Variants in SLC16A10 observed in about 807,000 individuals in gnomAD.
SLC16A10 encodes the protein monocarboxylate transporter 10.
Under a neutral mutation model 40.0 loss-of-function variants are expected in SLC16A10, and 27 were observed. The observed-to-expected ratio is 0.67, with a 90% CI of 0.50 to 0.93. The LOEUF (loss-of-function observed/expected upper bound fraction) is 0.93, where lower values mean the gene tolerates loss of function less well. SLC16A10 is among the 40% of genes least tolerant of loss of function. The probability of loss-of-function intolerance (pLI) is 0.00; values close to 1 mark genes in which losing one functional copy is unlikely to be tolerated. For synonymous variants in SLC16A10, 213 were observed against 249.8 expected (o/e 0.85, Z 1.39); for missense variants, 529 against 658.2 (o/e 0.80, Z 2.15).
At position 111,127,067 on chromosome 6, in the gene SLC16A10, T is replaced by C. The variant is rs76349754; in HGVS notation, c.343+38972T>C. ...ATTATTTTCAGAGGTTATTACTCAT[T>C]TAACTCAACAAAAATTGAGAGCCCC... On this transcript the variant is annotated intron_variant, in intron 1 of 5. Coordinates refer to ENST00000368851, the MANE Select transcript of SLC16A10 (RefSeq NM_018593.5). 3.9e-5 allele frequency among the ~76,000 whole-genome samples: 6 copies of C among 152,366 alleles called. No individual in the cohort carries two copies. In the East Asian group the frequency reaches 1.2e-3, roughly 29 times the overall value.
intron 1 of SLC16A10, among the ~76,000 whole-genome samples, chr6:111,088,760 G>GT (rs1435718740): frequency 6.6e-6 from 1 of 152,082 alleles, no homozygotes; most frequent in East Asian, 1.9e-4. Flanking sequence ...TTCCTGTTGT[G>GT]TTTTTTGACA....
rs1358502008 is a variant in SLC16A10, at chr6:111,225,826, G to A, written c.*3591G>A. On this transcript the variant is annotated 3_prime_UTR_variant, in exon 6 of 6. Transcript: ENST00000368851. ...TCATGCCCTTTCTTATGTACCTTTT[G>A]TCTTACTCTTCTTACATTATTCTTA... is the stretch of plus-strand genomic sequence containing the variant. The A allele has an allele frequency of 1.3e-5, 2 of 151,968 alleles. No homozygotes were observed. Among genetic ancestry groups the A allele is most frequent in the African/African-American group, 2.4e-5 (1 of 41,368 alleles). 9.4% of individuals were successfully genotyped at this position (151,968 alleles called of 1,614,324 possible). A position where few individuals can be genotyped will look rare whatever the true frequency, so the allele number is the denominator to read the frequency against.
intron 1 of SLC16A10, among the ~76,000 whole-genome samples, chr6:111,163,192 G>A (rs1158985622): frequency 7.6e-5 from 9 of 117,772 alleles, no homozygotes; most frequent in Non-Finnish European, 1.1e-4. Flanking sequence ...TCGCTCTGTC[G>A]CCCAGGCTGG....
intron 1 of SLC16A10, among the ~76,000 whole-genome samples, chr6:111,136,114 G>A (rs573335516): frequency 2.6e-5 from 4 of 152,262 alleles, no homozygotes; most frequent in African/African-American, 9.6e-5. Context: ...CACTAATTAA[G>A]GAAACTCAGA....
intron 3 of SLC16A10, among the ~76,000 whole-genome samples, chr6:111,184,196 C>G (rs995249637): frequency 7.2e-5 from 11 of 152,152 alleles, no homozygotes; most frequent in African/African-American, 2.7e-4. Context: ...TAGACCATAT[C>G]ATTGGGTCAA....
intron 1 of SLC16A10, among the ~76,000 whole-genome samples, chr6:111,121,635 C>T (rs1208753886): frequency 6.6e-6 from 1 of 152,142 alleles, no homozygotes; most frequent in Non-Finnish European, 1.5e-5. Flanking sequence ...TCTTCTATTT[C>T]CATTACAGCT....
intron 1 of SLC16A10, among the ~76,000 whole-genome samples, chr6:111,136,181 G>T (rs565385891): frequency 6.6e-6 from 1 of 152,206 alleles, no homozygotes; most frequent in Non-Finnish European, 1.5e-5. Flanking sequence ...TTTCCAGGCC[G>T]TAAAGAACAC....
At chr6:111,157,152 C>T (rs1772285080) in intron 1 of SLC16A10, among the ~76,000 whole-genome samples, 1 of 152,182 alleles carries the variant, frequency 6.6e-6, no homozygotes, top group Admixed American at 6.5e-5. Flanking sequence ...CTCCTGACCT[C>T]AGGTGATCCA....
intron 1 of SLC16A10, among the ~76,000 whole-genome samples, chr6:111,137,067 A>G (rs4639374): frequency 0.13 from 19,184 of 152,160 alleles, 1,355 homozygotes; most frequent in Middle Eastern, 0.17. Context: ...CAGAGAAATA[A>G]AAGGGAACCG....
At chr6:111,217,026 G>A (rs1378748576) in intron 4 of SLC16A10, among the ~76,000 whole-genome samples, 2 of 152,126 alleles carry the variant, frequency 1.3e-5, no homozygotes, top group South Asian at 2.1e-4. Flanking sequence ...GTGCTAGTAG[G>A]GCCTAGGAAA....
chr6:111,206,678 A>G lies in SLC16A10; in HGVS notation c.1029A>G (p.Arg343=). 6.2e-7 allele frequency: 1 copy of G among 1,614,212 alleles called. No individual in the cohort carries two copies. The highest frequency in any genetic ancestry group is 8.5e-7 in the Non-Finnish European group (1 of 1,180,032). ...TTGGCGTCACTTCAGGAGTTGGACG[A>G]CTGCTCTTTGGCCGGATTGCAGATT... ...MCIGVTSGVG[R]LLFGRIADYV... Residue 343 remains arginine (R), a synonymous_variant, in exon 4 of 6, where the codon CGA becomes CGG. Coordinates refer to ENST00000368851, the MANE Select transcript of SLC16A10 (RefSeq NM_018593.5).
intron 3 of SLC16A10, 68 bp downstream of exon 3, chr6:111,177,733 G>C: frequency 7.2e-7 from 1 of 1,380,904 alleles, no homozygotes; most frequent in Non-Finnish European, 9.6e-7. Flanking sequence ...TGAAGAGAAA[G>C]TTAGGTCGAG....
chr6:111,148,832 G>A (rs1772123674), intron 1 of SLC16A10, among the ~76,000 whole-genome samples: 1 of 152,216 alleles, frequency 6.6e-6, no homozygotes, highest in Non-Finnish European at 1.5e-5. Context: ...AATCAGGCCA[G>A]GCGTGGTGAC....
At chr6:111,164,831 G>C (rs1436126885) in intron 1 of SLC16A10, among the ~76,000 whole-genome samples, 1 of 152,110 alleles carries the variant, frequency 6.6e-6, no homozygotes, top group Non-Finnish European at 1.5e-5. Flanking sequence ...TATCTGACCT[G>C]CATAATTTAG....
At chr6:111,114,630 A>G (rs1301573652) in intron 1 of SLC16A10, among the ~76,000 whole-genome samples, 1 of 152,234 alleles carries the variant, frequency 6.6e-6, no homozygotes, top group Non-Finnish European at 1.5e-5. Flanking sequence ...AAAATAGAAA[A>G]GCATGCATAG....
intron 1 of SLC16A10, among the ~76,000 whole-genome samples, chr6:111,158,470 C>G (rs1772312126): frequency 6.6e-6 from 1 of 152,082 alleles, no homozygotes; most frequent in Non-Finnish European, 1.5e-5. Flanking sequence ...AATGTGCAAC[C>G]TAGATCCCCT....
intron 3 of SLC16A10, among the ~76,000 whole-genome samples, chr6:111,193,921 T>C (rs1257750054): frequency 6.6e-6 from 1 of 152,238 alleles, no homozygotes; most frequent in Non-Finnish European, 1.5e-5. Flanking sequence ...TGGATTTATC[T>C]ACAAAATACA....
At chr6:111,179,725 C>G (rs957048099) in intron 3 of SLC16A10, among the ~76,000 whole-genome samples, 2 of 152,134 alleles carry the variant, frequency 1.3e-5, no homozygotes, top group African/African-American at 4.8e-5. Context: ...TGCCTTTTTT[C>G]TGCTTTCCCT....
intron 2 of SLC16A10, among the ~76,000 whole-genome samples, chr6:111,175,065 T>C (rs934161907): frequency 1.3e-5 from 2 of 152,186 alleles, no homozygotes; most frequent in Non-Finnish European, 2.9e-5. Context: ...AGGGGAAATG[T>C]GGTATAGATT....
Sources: gnomAD v4.1 joint callset for allele counts (sites outside exome capture counted in the v4.1 genomes callset) on GRCh38, gnomAD v4.1.1 for gene constraint, MANE v1.5 for transcripts, NCBI Gene and HGNC (gene_info 2026-07-23, HGNC 2026-07-21) for gene names.